Variants in ST6GALNAC3 observed in about 807,000 individuals in gnomAD.
The protein encoded by ST6GALNAC3 is alpha-N-acetylgalactosaminide alpha-2,6-sialyltransferase 3.
ST6GALNAC3 carries 25 observed loss-of-function variants against 32.7 expected under a neutral mutation model. The ratio of observed to expected loss-of-function variants is 0.76; its 90% CI spans 0.56 to 1.07. ST6GALNAC3 has a LOEUF of 1.07. Among genes scored for constraint, ST6GALNAC3 ranks in the 50% least tolerant of loss-of-function variants. The pLI is 0.00. For synonymous variants in ST6GALNAC3, 129 were observed against 133.1 expected (o/e 0.97, Z 0.21); for missense variants, 355 against 382.4 (o/e 0.93, Z 0.60).
At chr1:76,432,747 ATG>A (rs752726373) in intron 3 of ST6GALNAC3, among the ~76,000 whole-genome samples, 5 of 151,976 alleles carry the variant, frequency 3.3e-5, no homozygotes, top group Non-Finnish European at 5.9e-5. Context: ...GTAAGCCACC[ATG>A]CCCAGCCTAC....
chr1:76,469,751 G>A (rs1012072361), intron 3 of ST6GALNAC3, among the ~76,000 whole-genome samples: 2 of 152,074 alleles, frequency 1.3e-5, no homozygotes, highest in Admixed American at 6.6e-5. Context: ...ATAGTGAGTG[G>A]TTGTGACCAG....
chr1:76,244,700 T>A (rs1657157814), intron 1 of ST6GALNAC3, among the ~76,000 whole-genome samples: 2 of 152,208 alleles, frequency 1.3e-5, no homozygotes, highest in South Asian at 4.1e-4. Context: ...ATTGAGATAA[T>A]CATGTGGTTT....
In ST6GALNAC3 at chr1:76,609,915, C is replaced by T. The variant is rs145429627; in HGVS notation, c.624-17537C>T. ...ACTCCTGGAATAGAAACGCCTTGGC[C>T]ATAGAGTGTGGCTTTTTAATCTAGT... On this transcript the variant is annotated intron_variant, in intron 3 of 4. Transcript: ENST00000328299. 2.8e-3 allele frequency among the ~76,000 whole-genome samples: 424 copies of T among 152,212 alleles called. 1 individual carries two copies. The highest frequency in any genetic ancestry group is 9.9e-3 in the African/African-American group (410 of 41,538).
rs1031893490 is a variant in ST6GALNAC3, at chr1:76,407,682, GA to G, written c.214-4315del. 4.9e-3 allele frequency among the ~76,000 whole-genome samples: 698 copies of G among 142,518 alleles called. 4 individuals are homozygous for G. The highest frequency in any genetic ancestry group is 7.5e-3 in the Non-Finnish European group (486 of 64,874). 93.5% of individuals were successfully genotyped at this position (142,518 alleles called of 152,430 possible). On this transcript the variant is annotated intron_variant, in intron 2 of 4. Transcript: ENST00000328299. ...TGAAGAAGACAAGTTTGTTTTTAAT[GA>G]AAAAAAAAAAGCAAAAAATAGAGAC...
chr1:76,460,405 C>G (rs1057181936), intron 3 of ST6GALNAC3, among the ~76,000 whole-genome samples: 1 of 152,130 alleles, frequency 6.6e-6, no homozygotes, highest in Non-Finnish European at 1.5e-5. Context: ...GGAAATCACA[C>G]AACTTGGGAA....
chr1:76,634,416 C>A lies in ST6GALNAC3; in HGVS notation c.*5610C>A. 6.5e-6 allele frequency: 1 copy of A among 152,908 alleles called. No homozygotes were observed. The highest frequency in any genetic ancestry group is 1.5e-5 in the Non-Finnish European group (1 of 68,668). 9.5% of individuals were successfully genotyped at this position (152,908 alleles called of 1,614,324 possible). On this transcript the variant is annotated 3_prime_UTR_variant, in exon 5 of 5. Transcript: ENST00000328299. ...TACATATGGTACATTTTTTGCTTCA[C>A]TTATTTTCCTGAGTTCCCATGATTT...
chr1:76,623,694 A>G (rs910360062), intron 3 of ST6GALNAC3, among the ~76,000 whole-genome samples: 1 of 152,028 alleles, frequency 6.6e-6, no homozygotes, highest in Non-Finnish European at 1.5e-5. Context: ...CAAGCTGGAA[A>G]TCATAAACAA....
At chr1:76,100,642 C>G (rs996263265) in intron 1 of ST6GALNAC3, among the ~76,000 whole-genome samples, 2 of 151,998 alleles carry the variant, frequency 1.3e-5, no homozygotes, top group African/African-American at 4.8e-5. Context: ...TGAAATTTTC[C>G]TTTCTCATAA....
At chr1:76,398,254 C>T (rs1261271333) in intron 2 of ST6GALNAC3, among the ~76,000 whole-genome samples, 5 of 152,128 alleles carry the variant, frequency 3.3e-5, no homozygotes, top group African/African-American at 1.2e-4. Flanking sequence ...ATAACCTTTA[C>T]TATTTAATAT....
intron 1 of ST6GALNAC3, among the ~76,000 whole-genome samples, chr1:76,284,660 T>C (rs1659678845): frequency 6.6e-6 from 1 of 152,078 alleles, no homozygotes; most frequent in Non-Finnish European, 1.5e-5. Flanking sequence ...ATTAGGACTA[T>C]TATAGAAATG....
At chr1:76,089,795 T>C (rs1269803848) in intron 1 of ST6GALNAC3, among the ~76,000 whole-genome samples, 1 of 152,194 alleles carries the variant, frequency 6.6e-6, no homozygotes, top group Non-Finnish European at 1.5e-5. Context: ...AGCAGCTGTC[T>C]GTGAGTCCTG....
chr1:76,527,115 T>C (rs1427842249), intron 3 of ST6GALNAC3, among the ~76,000 whole-genome samples: 1 of 152,122 alleles, frequency 6.6e-6, no homozygotes, highest in Non-Finnish European at 1.5e-5. Flanking sequence ...TTAGAAATAG[T>C]ATCTCAACCA....
downstream of ST6GALNAC3, among the ~76,000 whole-genome samples, chr1:76,635,010 ATAC>A (rs1235743374): frequency 6.6e-6 from 1 of 152,212 alleles, no homozygotes; most frequent in Non-Finnish European, 1.5e-5. Context: ...CATATCCAGA[ATAC>A]TACTATAAAC....
At chr1:76,486,110 C>A (rs1230116053) in intron 3 of ST6GALNAC3, among the ~76,000 whole-genome samples, 3 of 152,142 alleles carry the variant, frequency 2.0e-5, no homozygotes, top group Non-Finnish European at 4.4e-5. Context: ...AATTTCTGTT[C>A]TTTTACATTT....
intron 1 of ST6GALNAC3, among the ~76,000 whole-genome samples, chr1:76,167,237 T>C (rs1652183101): frequency 6.6e-6 from 1 of 152,222 alleles, no homozygotes; most frequent in Non-Finnish European, 1.5e-5. Flanking sequence ...GAGAGCCTTT[T>C]CTGCATCTAT....
intron 1 of ST6GALNAC3, among the ~76,000 whole-genome samples, chr1:76,188,170 TG>T (rs1169397174): frequency 6.6e-6 from 1 of 152,194 alleles, no homozygotes; most frequent in Non-Finnish European, 1.5e-5. Flanking sequence ...GAGACCAGCC[TG>T]GCTAACATGG....
intron 1 of ST6GALNAC3, among the ~76,000 whole-genome samples, chr1:76,279,038 A>T (rs1659347328): frequency 6.6e-6 from 1 of 152,144 alleles, no homozygotes; most frequent in Non-Finnish European, 1.5e-5. Context: ...ATTTGATACA[A>T]CTTTATCCAT....
intron 2 of ST6GALNAC3, among the ~76,000 whole-genome samples, chr1:76,372,941 A>C (rs966180711): frequency 1.3e-5 from 2 of 151,918 alleles, no homozygotes; most frequent in South Asian, 2.1e-4. Flanking sequence ...TAATATTTAA[A>C]ATATTTTTTT....
chr1:76,452,445 A>G (rs1346856520), intron 3 of ST6GALNAC3, among the ~76,000 whole-genome samples: 1 of 152,212 alleles, frequency 6.6e-6, no homozygotes, highest in African/African-American at 2.4e-5. Context: ...GCATTAAGTT[A>G]TGTCCCTTCT....
Sources: allele counts gnomAD v4.1 joint callset (sites outside exome capture counted in the v4.1 genomes callset), GRCh38; gene constraint gnomAD v4.1.1; transcripts MANE v1.5; gene names NCBI Gene and HGNC (gene_info 2026-07-23, HGNC 2026-07-21).